PELI2: variants seen among roughly 807,000 people sequenced by gnomAD.
PELI2 encodes the protein pellino E3 ubiquitin protein ligase family member 2.
PELI2 carries 23 observed loss-of-function variants against 42.3 expected under a neutral mutation model. The observed-to-expected ratio is 0.54, with a 90% CI of 0.39 to 0.77. The LOEUF (loss-of-function observed/expected upper bound fraction) is 0.77, where lower values mean the gene tolerates loss of function less well. Ranked by LOEUF, PELI2 falls within the 30% of genes least tolerant of loss-of-function variation. The pLI, the probability that PELI2 is intolerant of heterozygous loss-of-function variation, is 0.00. For missense variants in PELI2, 463 were observed against 553.2 expected (o/e 0.84, Z 1.64); for synonymous variants, 245 against 212.2 (o/e 1.15, Z -1.34).
intron 2 of PELI2, among the ~76,000 whole-genome samples, chr14:56,250,361 A>G (rs186121848): frequency 3.5e-4 from 53 of 152,294 alleles, no homozygotes; most frequent in African/African-American, 1.2e-3. Flanking sequence ...AACTAATAGG[A>G]TAGATGAATA....
chr14:56,282,454 A>G (rs1248872881), intron 3 of PELI2, among the ~76,000 whole-genome samples: 1 of 152,082 alleles, frequency 6.6e-6, no homozygotes, highest in East Asian at 1.9e-4. Context: ...GCATTAAAAA[A>G]TCTCCAAAAT....
chr14:56,263,197 G>A (rs568572736), intron 2 of PELI2, among the ~76,000 whole-genome samples: 9 of 152,112 alleles, frequency 5.9e-5, no homozygotes, highest in African/African-American at 2.2e-4. Flanking sequence ...CTGACCTCAG[G>A]TGATCCTCCC....
intron 1 of PELI2, among the ~76,000 whole-genome samples, chr14:56,158,521 A>G (rs1033808204): frequency 3.3e-5 from 5 of 151,686 alleles, no homozygotes; most frequent in Admixed American, 2.6e-4. Context: ...TTTATATTTT[A>G]TTTATTTACT....
rs896723670 is a variant in PELI2, at chr14:56,219,998, A to G, written c.207+41534A>G. On this transcript the variant is annotated intron_variant, in intron 2 of 5. Transcript: ENST00000267460. The surrounding 1 kb of genome is among the most constrained non-coding windows in gnomAD (Gnocchi z 4.1). Reference sequence around the variant, plus strand: ...TTTATTAATGCTTGCCCTGGGAATCATATCATAAACAGTTTAGGTAAACAA... The same window carrying G: ...TTTATTAATGCTTGCCCTGGGAATCGTATCATAAACAGTTTAGGTAAACAA... 1.5e-4 allele frequency among the ~76,000 whole-genome samples: 23 copies of G among 152,216 alleles called. No individual in the cohort carries two copies. Among genetic ancestry groups the G allele is most frequent in the African/African-American group, 4.1e-4 (17 of 41,460 alleles).
intron 1 of PELI2, among the ~76,000 whole-genome samples, chr14:56,121,836 A>C (rs766613202): frequency 6.6e-6 from 1 of 152,198 alleles, no homozygotes; most frequent in African/African-American, 2.4e-5. Context: ...ATTGGCGCAA[A>C]TGTAGAAACT....
At chr14:56,135,938 A>C (rs572069141) in intron 1 of PELI2, among the ~76,000 whole-genome samples, 1 of 152,186 alleles carries the variant, frequency 6.6e-6, no homozygotes, top group Non-Finnish European at 1.5e-5. Context: ...TGCTTTTTCT[A>C]ACACATCATA....
rs79157380 is a variant in PELI2 at position 56,161,065 on chromosome 14, T to C, written c.78-17270T>C. Among the ~76,000 whole-genome samples, 49 of 152,274 alleles carry C rather than the reference T, an allele frequency of 3.2e-4. 1 individual carries two copies. The East Asian group carries it at 9.5e-3, about 29-fold the overall frequency. ...CAACAGCCAGTAGAGATGTGTAAGA[T>C]AATGGAAGATGAACTTACGTTGTCA... On this transcript the variant is annotated intron_variant, in intron 1 of 5. Transcript: ENST00000267460.
intron 1 of PELI2, among the ~76,000 whole-genome samples, chr14:56,167,879 G>A (rs1379127507): frequency 6.6e-6 from 1 of 152,172 alleles, no homozygotes; most frequent in Non-Finnish European, 1.5e-5. Flanking sequence ...ATCGGCTTTA[G>A]GGGGCACTTC....
rs1594721300 is a variant in PELI2 at position 56,292,732 on chromosome 14, C to T, written c.696+2276C>T. 5 of 968,992 alleles carry T rather than the reference C, an allele frequency of 5.2e-6. No homozygotes were observed. In the African/African-American group the frequency reaches 5.3e-5, roughly 10 times the overall value. The allele number at this position is 968,992 out of a possible 1,614,324, so 60.0% of individuals were successfully genotyped here. A position where few individuals can be genotyped will look rare whatever the true frequency, so the allele number is the denominator to read the frequency against. ...TCATTATTACAGCAAATGATGGAAC[C>T]TCAGAACTGTGTACTAATCAACAAA... On this transcript the variant is annotated intron_variant, in intron 5 of 5. Coordinates refer to ENST00000267460, the MANE Select transcript of PELI2 (RefSeq NM_021255.3).
chr14:56,170,558 A>G (rs1885127864), intron 1 of PELI2, among the ~76,000 whole-genome samples: 1 of 152,176 alleles, frequency 6.6e-6, no homozygotes, highest in Non-Finnish European at 1.5e-5. Context: ...TCTGCCTGAC[A>G]TTTCCTAACT....
chr14:56,169,291 G>A (rs11158078), intron 1 of PELI2, among the ~76,000 whole-genome samples: 32,726 of 152,086 alleles, frequency 0.22, 4,098 homozygotes, highest in Admixed American at 0.28. Flanking sequence ...AGTCCTTCTG[G>A]CCTCGACTGC....
At chr14:56,160,382 T>TC (rs1884716610) in intron 1 of PELI2, among the ~76,000 whole-genome samples, 1 of 152,204 alleles carries the variant, frequency 6.6e-6, no homozygotes, top group African/African-American at 2.4e-5. Flanking sequence ...GACACAGTCC[T>TC]CCTCTTCCCT....
At chr14:56,236,789 G>C (rs1050844883) in intron 2 of PELI2, among the ~76,000 whole-genome samples, 10 of 152,102 alleles carry the variant, frequency 6.6e-5, no homozygotes, top group African/African-American at 2.4e-4. Context: ...TGGACCTCAA[G>C]TTATTTCTGG....
At chr14:56,207,895 C>T (rs1307064730) in intron 2 of PELI2, among the ~76,000 whole-genome samples, 2 of 152,236 alleles carry the variant, frequency 1.3e-5, no homozygotes, top group East Asian at 3.8e-4. Context: ...TCTCTCAGGA[C>T]AGACTGTGGA....
intron 2 of PELI2, among the ~76,000 whole-genome samples, chr14:56,270,875 T>C (rs1471515495): frequency 6.6e-6 from 1 of 152,216 alleles, no homozygotes; most frequent in Non-Finnish European, 1.5e-5. Flanking sequence ...CAGAGTCCAC[T>C]AGCCAAGTTG....
chr14:56,201,450 A>T (rs1263106697), intron 2 of PELI2, among the ~76,000 whole-genome samples: 2 of 152,212 alleles, frequency 1.3e-5, no homozygotes, highest in African/African-American at 4.8e-5. Context: ...GGATTTAAAC[A>T]ACTGTAGTAG....
At chr14:56,120,335 T>A (rs1318235488) in intron 1 of PELI2, among the ~76,000 whole-genome samples, 3 of 152,204 alleles carry the variant, frequency 2.0e-5, no homozygotes, top group Non-Finnish European at 2.9e-5. Flanking sequence ...GAACTTTATT[T>A]CATTATTTCC....
At chr14:56,278,012 T>G (rs1385648203) in intron 2 of PELI2, among the ~76,000 whole-genome samples, 1 of 152,220 alleles carries the variant, frequency 6.6e-6, no homozygotes, top group Non-Finnish European at 1.5e-5. Flanking sequence ...AGATCATTTG[T>G]ACACTATAGA....
At chr14:56,271,571 T>A (rs1318946996) in intron 2 of PELI2, among the ~76,000 whole-genome samples, 1 of 152,200 alleles carries the variant, frequency 6.6e-6, no homozygotes, top group Non-Finnish European at 1.5e-5. Context: ...ACAGTTAAAG[T>A]GGCTGAAAAT....
Sources: gnomAD v4.1 joint callset for allele counts (sites outside exome capture counted in the v4.1 genomes callset) on GRCh38, gnomAD v4.1.1 for gene constraint, Gnocchi (gnomAD v3.1) non-coding constraint, MANE v1.5 for transcripts, NCBI Gene and HGNC (gene_info 2026-07-23, HGNC 2026-07-21) for gene names.